The following DCAF13 variants were observed in gnomAD, a reference collection of about 807,000 sequenced individuals.
DCAF13 encodes DDB1 and CUL4 associated factor 13.
A neutral mutation model predicts 59.0 loss-of-function variants in DCAF13; 38 were observed. That is an observed-to-expected ratio of 0.64 (90% CI 0.50 to 0.84). The LOEUF is 0.84. DCAF13 is among the 40% of genes least tolerant of loss of function. DCAF13 has a pLI of 0.00. For missense variants in DCAF13, 469 were observed against 558.4 expected (o/e 0.84, Z 1.61); for synonymous variants, 173 against 175.0 (o/e 0.99, Z 0.09).
chr8:103,415,484 A>G lies in DCAF13; in HGVS notation c.38A>G (p.Tyr13Cys), dbSNP rs1816595358. 1 of 1,612,978 alleles carries G rather than the reference A, an allele frequency of 6.2e-7. No homozygotes were observed. The highest frequency in any genetic ancestry group is 8.5e-7 in the Non-Finnish European group (1 of 1,179,162). ...ATGCTGAGCCGGAATCCGGACAATT[A>G]TGTCCGCGAAACCAAGTTGGACTTA... is the stretch of plus-strand genomic sequence containing the variant. ...VKMLSRNPDNYVRETKLDLQR... is the reference protein window; with the variant it reads ...VKMLSRNPDNCVRETKLDLQR... Residue 13 changes from tyrosine to cysteine, a missense_variant, in exon 1 of 11, where the codon TAT (tyrosine) becomes TGT (cysteine). Tyr to Cys is a radical substitution (Grantham distance 194). This residue lies in a region of DCAF13 where 355 missense variants were observed against 399.1 expected (regional missense o/e 0.89). Coordinates refer to ENST00000612750, the MANE Select transcript of DCAF13 (RefSeq NM_015420.7).
intron 5 of DCAF13, chr8:103,429,830 A>G (rs1340081085): frequency 2.6e-5 from 4 of 152,194 alleles, no homozygotes; most frequent in Non-Finnish European, 5.9e-5. Flanking sequence ...CCCACATTGT[A>G]GTGTATACTG....
At chr8:103,426,905 A>G (rs1163127565) in intron 4 of DCAF13, among the ~76,000 whole-genome samples, 192 bp from the exon 5 acceptor site, 4 of 152,156 alleles carry the variant, frequency 2.6e-5, no homozygotes, top group African/African-American at 9.7e-5. Flanking sequence ...CTAAAACAAA[A>G]TTGGTTTCAT....
intron 8 of DCAF13, chr8:103,439,402 T>TTC (rs1816975990): frequency 6.9e-6 from 1 of 145,852 alleles, no homozygotes; most frequent in African/African-American, 2.6e-5. Context: ...TTTTTTTTTT[T>TTC]TTTTGAGGCA....
At chr8:103,422,028 G>A (rs533357601) in intron 3 of DCAF13, among the ~76,000 whole-genome samples, 4 of 152,198 alleles carry the variant, frequency 2.6e-5, no homozygotes, top group Admixed American at 6.5e-5. Flanking sequence ...ACAGCAGTTA[G>A]TGATCAGTTT....
chr8:103,435,599 G>C, intron 7 of DCAF13, 27 bp from the exon 8 acceptor site: 1 of 1,495,104 alleles, frequency 6.7e-7, no homozygotes, highest in East Asian at 2.3e-5. Context: ...AGAAATATGT[G>C]TCAAATATTT....
chr8:103,433,847 G>A (rs1475943269), intron 7 of DCAF13, among the ~76,000 whole-genome samples: 2 of 151,688 alleles, frequency 1.3e-5, no homozygotes, highest in Non-Finnish European at 2.9e-5. Context: ...AACCTTTATT[G>A]ATGTTTTGAA....
intron 6 of DCAF13, among the ~76,000 whole-genome samples, chr8:103,431,123 C>G (rs1816858528): frequency 6.6e-6 from 1 of 152,174 alleles, no homozygotes; most frequent in African/African-American, 2.4e-5. Flanking sequence ...TTTATTTGTT[C>G]AGTTACATGC....
Position 103,434,416 on chromosome 8 carries a change from C to T in DCAF13, c.786-1210C>T, listed in dbSNP as rs7835639. ...TCATTTTTCCCATGTAGAAATAAAGCATCTTACTAAAAAGCAGTTTGCTGG... is the reference window on the plus strand; with the variant it reads ...TCATTTTTCCCATGTAGAAATAAAGTATCTTACTAAAAAGCAGTTTGCTGG... On this transcript the variant is annotated intron_variant, in intron 7 of 10. Coordinates refer to ENST00000612750, the MANE Select transcript of DCAF13 (RefSeq NM_015420.7). 8.5e-3 allele frequency among the ~76,000 whole-genome samples: 1,291 copies of T among 151,984 alleles called. 27 individuals are homozygous for T. The highest frequency in any genetic ancestry group is 0.029 in the African/African-American group (1,224 of 41,526).
chr8:103,420,157 G>A, intron 1 of DCAF13, 107 bp from the exon 2 acceptor site: 1 of 1,003,588 alleles, frequency 1.0e-6, no homozygotes, highest in Non-Finnish European at 1.5e-6. Context: ...GTTAGGCATA[G>A]AACAATGTCA....
chr8:103,426,719 CTT>C (rs1434719422), intron 4 of DCAF13, among the ~76,000 whole-genome samples: 1 of 151,988 alleles, frequency 6.6e-6, no homozygotes, highest in Non-Finnish European at 1.5e-5. Context: ...TAGATTTAAT[CTT>C]TAAATTAAAT....
chr8:103,434,616 G>A (rs1816909731), intron 7 of DCAF13, among the ~76,000 whole-genome samples: 2 of 151,928 alleles, frequency 1.3e-5, no homozygotes, highest in Non-Finnish European at 2.9e-5. Flanking sequence ...TATCTTTGGG[G>A]AGATACTTTG....
chr8:103,435,772 T>C lies in DCAF13; in HGVS notation c.932T>C (p.Val311Ala), dbSNP rs770879623. ...GATAAATCTATTCGAATCTTTCCTG[T>C]AGACAAAAGTCGAAGCAGGTATGTG... is the stretch of plus-strand genomic sequence containing the variant. Reference protein sequence around the residue: ...SFDKSIRIFPVDKSRSREVYH... With the variant: ...SFDKSIRIFPADKSRSREVYH... The change falls in exon 8 of 11, where the codon GTA becomes GCA. Residue 311 changes from valine (V) to alanine (A), a missense_variant. This residue lies in a region of DCAF13 where 355 missense variants were observed against 399.1 expected (regional missense o/e 0.89). Coordinates refer to ENST00000612750, the MANE Select transcript of DCAF13 (RefSeq NM_015420.7). 5.6e-6 allele frequency: 9 copies of C among 1,613,508 alleles called. No homozygotes were observed. In the African/African-American group the frequency reaches 6.7e-5, roughly 12 times the overall value.
At chr8:103,417,665 A>G (rs1477006925) in intron 1 of DCAF13, among the ~76,000 whole-genome samples, 3 of 150,422 alleles carry the variant, frequency 2.0e-5, no homozygotes, top group Non-Finnish European at 4.4e-5. Flanking sequence ...AAAAAAGAAC[A>G]TCTTTAATTA....
Position 103,415,529 on chromosome 8 carries a change from G to T in DCAF13, c.70+13G>T. The T allele has an allele frequency of 6.3e-7, 1 of 1,593,520 alleles. No individual in the cohort carries two copies. Among genetic ancestry groups the T allele is most frequent in the South Asian group, 1.1e-5 (1 of 88,940 alleles). ...GACTTACAGAGAGGTAAGATAAGTT[G>T]GTAGGGAGAAAGGGACGGTTTCCGC... On this transcript the variant is annotated intron_variant, in intron 1 of 10. Coordinates refer to ENST00000612750, the MANE Select transcript of DCAF13 (RefSeq NM_015420.7).
rs748707587 is a variant in DCAF13 at position 103,427,272 on chromosome 8, A to T, written c.624+20A>T. Reference sequence around the variant, plus strand: ...ATTGAGGTAATGTTTTTTTTTAAGTATGTTTTACTTATTATGGCTTAATAA... The same window carrying T: ...ATTGAGGTAATGTTTTTTTTTAAGTTTGTTTTACTTATTATGGCTTAATAA... On this transcript the variant is annotated intron_variant, in intron 5 of 10. Coordinates refer to ENST00000612750, the MANE Select transcript of DCAF13 (RefSeq NM_015420.7). 14 of 1,593,390 alleles carry T rather than the reference A, an allele frequency of 8.8e-6. No homozygotes were observed. Among genetic ancestry groups the T allele is most frequent in the Non-Finnish European group, 1.2e-5 (14 of 1,164,168 alleles).
chr8:103,433,371 T>G (rs1162544336), intron 7 of DCAF13, among the ~76,000 whole-genome samples: 1 of 152,124 alleles, frequency 6.6e-6, no homozygotes, highest in Non-Finnish European at 1.5e-5. Context: ...ATGCATGTTA[T>G]CCCCTTTTTA....
At chr8:103,430,571 A>G in intron 5 of DCAF13, 41 bp from the exon 6 acceptor site, 1 of 1,412,770 alleles carries the variant, frequency 7.1e-7, no homozygotes, top group South Asian at 1.2e-5. Flanking sequence ...GTTTGCTGCC[A>G]GGTCTGGCTT....
intron 5 of DCAF13, chr8:103,427,566 A>G (rs1816811231): frequency 2.9e-6 from 1 of 345,200 alleles, no homozygotes. Flanking sequence ...TTCATGTTCC[A>G]TAGATTATGT....
At chr8:103,417,950 T>G (rs1816645473) in intron 1 of DCAF13, among the ~76,000 whole-genome samples, 1 of 151,982 alleles carries the variant, frequency 6.6e-6, no homozygotes, top group African/African-American at 2.4e-5. Context: ...AAACCCCATC[T>G]CTACTAAAAA....
Sources: gnomAD v4.1 joint callset for allele counts (sites outside exome capture counted in the v4.1 genomes callset) on GRCh38, gnomAD v4.1.1 for gene constraint, gnomAD v4.1.1 regional missense constraint, MANE v1.5 for transcripts, NCBI Gene and HGNC (gene_info 2026-07-23, HGNC 2026-07-21) for gene names.